ARHGEF37: variants seen among roughly 807,000 people sequenced by gnomAD.
The protein encoded by ARHGEF37 is Rho guanine nucleotide exchange factor 37.
ARHGEF37 carries 55 observed loss-of-function variants against 71.1 expected under a neutral mutation model. The observed-to-expected ratio is 0.77, with a 90% CI of 0.62 to 0.97. ARHGEF37 has a LOEUF of 0.97. ARHGEF37 is among the 50% of genes least tolerant of loss of function. The pLI, the probability that ARHGEF37 is intolerant of heterozygous loss-of-function variation, is 0.00. For missense variants in ARHGEF37, 765 were observed against 836.8 expected, an observed-to-expected ratio of 0.91 and a Z score of 1.06; for synonymous variants, 327 against 350.6, an observed-to-expected ratio of 0.93 and a Z score of 0.75.
chr5:149,614,569 G>A (rs1349039006), intron 4 of ARHGEF37, among the ~76,000 whole-genome samples: 3 of 152,152 alleles, frequency 2.0e-5, no homozygotes, highest in Admixed American at 6.5e-5. Context: ...TTTGTGAGGC[G>A]ATAGTTGTCC....
chr5:149,623,933 T>C (rs1214026903), intron 9 of ARHGEF37, 79 bp from the exon 10 acceptor site: 1 of 1,498,124 alleles, frequency 6.7e-7, no homozygotes, highest in Non-Finnish European at 9.0e-7. Context: ...GGGTTGAAAA[T>C]AATATAAACC....
rs1293025842 is a variant in ARHGEF37, at chr5:149,571,059, C to T, written c.-12+18936C>T. On this transcript the variant is annotated intron_variant, in intron 1 of 2. Transcript: ENST00000505810. ...CCAGGTTCAAGTGATTCTCCTGCCT[C>T]AGCCTCCCAAGTAGCTGGGATTGCA... Among the ~76,000 whole-genome samples, 4 of 152,070 alleles carry T rather than the reference C, an allele frequency of 2.6e-5. No individual in the cohort carries two copies. In the East Asian group the frequency reaches 5.9e-4, roughly 22 times the overall value.
chr5:149,598,781 TATAG>T (rs1294838861), intron 2 of ARHGEF37, among the ~76,000 whole-genome samples: 3 of 146,276 alleles, frequency 2.1e-5, no homozygotes, highest in African/African-American at 5.1e-5. Flanking sequence ...GATATAGATA[TATAG>T]ATATAGATAT....
chr5:149,554,050 C>T (rs888001162), intron 1 of ARHGEF37, among the ~76,000 whole-genome samples: 1 of 152,138 alleles, frequency 6.6e-6, no homozygotes. Flanking sequence ...TGCCTGTAAT[C>T]CCAGCTACTT....
chr5:149,562,960 C>T (rs1334516123), intron 1 of ARHGEF37, among the ~76,000 whole-genome samples: 1 of 152,180 alleles, frequency 6.6e-6, no homozygotes, highest in Non-Finnish European at 1.5e-5. Flanking sequence ...AGTTCATCTG[C>T]AGCTCAATAA....
At chr5:149,604,364 C>T (rs956295909) in intron 3 of ARHGEF37, among the ~76,000 whole-genome samples, 4 of 151,994 alleles carry the variant, frequency 2.6e-5, no homozygotes, top group Non-Finnish European at 4.4e-5. Flanking sequence ...GACTTACTTA[C>T]GCTAAAAAAT....
intron 1 of ARHGEF37, among the ~76,000 whole-genome samples, chr5:149,589,840 T>C (rs1763351113): frequency 6.6e-6 from 1 of 152,024 alleles, no homozygotes; most frequent in Admixed American, 6.6e-5. Context: ...TTAAATTTTT[T>C]TTTTTTAATA....
intron 6 of ARHGEF37, 79 bp from the exon 7 acceptor site, chr5:149,618,859 A>G (rs1752453113): frequency 3.4e-6 from 4 of 1,179,822 alleles, no homozygotes; most frequent in Non-Finnish European, 5.0e-6. Context: ...AGGTTGTCCC[A>G]GTGAGGACCT....
At chr5:149,605,672 C>G (rs1176543135) in intron 3 of ARHGEF37, among the ~76,000 whole-genome samples, 1 of 152,164 alleles carries the variant, frequency 6.6e-6, no homozygotes, top group Non-Finnish European at 1.5e-5. Flanking sequence ...CATCTCTGTG[C>G]CAACAATGAT....
intron 10 of ARHGEF37, among the ~76,000 whole-genome samples, chr5:149,625,785 C>T (rs1207036246): frequency 6.9e-6 from 1 of 144,788 alleles, no homozygotes; most frequent in Admixed American, 6.8e-5. Flanking sequence ...ACACAAACCT[C>T]CTGCACATTC....
In ARHGEF37 at chr5:149,618,202, C is replaced by A. The variant is rs1410087607; in HGVS notation, c.685C>A (p.Leu229Met). The A allele has an allele frequency of 8.7e-6, 14 of 1,614,118 alleles. No homozygotes were observed. The highest frequency in any genetic ancestry group is 1.3e-5 in the African/African-American group (1 of 74,944). ...CTCCAAGTACACCAAGGTAGAGCAG[C>A]TGACCCTCCGGGAGCGGCTGGCCCG... is the stretch of plus-strand genomic sequence containing the variant. ...VASKYTKVEQ[L>M]TLRERLARIN... The change falls in exon 6 of 13, where the codon CTG (leucine) becomes ATG (methionine). Residue 229 changes from leucine to methionine, a missense_variant. Leu to Met is a conservative substitution (Grantham distance 15, BLOSUM62 2). Transcript: ENST00000333677.
intron 1 of ARHGEF37, 117 bp from the exon 2 acceptor site, chr5:149,597,642 C>T: frequency 1.1e-6 from 1 of 887,432 alleles, no homozygotes; most frequent in South Asian, 2.1e-5. Context: ...CATCTTGACT[C>T]TGTTTGCAGC....
chr5:149,564,805 CAA>C (rs1242815419), intron 1 of ARHGEF37, among the ~76,000 whole-genome samples: 1 of 152,086 alleles, frequency 6.6e-6, no homozygotes, highest in Non-Finnish European at 1.5e-5. Flanking sequence ...GCCTGGGCAA[CAA>C]GAGTGAAACT....
In ARHGEF37 at chr5:149,624,013, T is replaced by C; in HGVS notation, c.1337T>C (p.Leu446Pro). Reference protein sequence around the residue: ...LQRAEGSMAQLPHHHVPEPAF... With the variant: ...LQRAEGSMAQPPHHHVPEPAF... Reference sequence around the variant, plus strand: ...TTGACAGTGTCTGTCCCCACTTAGCTGCCCCACCACCACGTCCCAGAGCCT... The same window carrying C: ...TTGACAGTGTCTGTCCCCACTTAGCCGCCCCACCACCACGTCCCAGAGCCT... Residue 446 changes from leucine (L) to proline (P), a missense_variant and splice_region_variant, in exon 10 of 13, where the codon CTG becomes CCG. By Grantham distance (98) the Leu-to-Pro change is moderately conservative (BLOSUM62 -3). Around this residue, in one of 5 missense-constraint regions of ARHGEF37, gnomAD observed 390 missense variants for 407.4 expected, o/e 0.96. Coordinates refer to ENST00000333677, the MANE Select transcript of ARHGEF37 (RefSeq NM_001001669.3). 2 of 1,595,258 alleles carry C rather than the reference T, an allele frequency of 1.3e-6. No homozygotes were observed. The highest frequency in any genetic ancestry group is 1.7e-6 in the Non-Finnish European group (2 of 1,165,124).
intron 1 of ARHGEF37, among the ~76,000 whole-genome samples, chr5:149,568,403 T>G (rs1227508303): frequency 6.6e-6 from 1 of 152,196 alleles, no homozygotes; most frequent in East Asian, 1.9e-4. Flanking sequence ...AAAGCAAACC[T>G]AATTAAAATT....
intron 1 of ARHGEF37, among the ~76,000 whole-genome samples, chr5:149,584,294 T>C (rs1763176393): frequency 6.6e-6 from 1 of 152,196 alleles, no homozygotes; most frequent in Admixed American, 6.5e-5. Context: ...CAGCTGCTGT[T>C]TGATTTGGGT....
upstream of ARHGEF37, chr5:149,581,432 A>G (rs1323663863): frequency 6.6e-6 from 1 of 151,644 alleles, no homozygotes; most frequent in African/African-American, 2.4e-5. Flanking sequence ...GAGACCAGCC[A>G]CCCCCTCGCG....
chr5:149,627,527 A>G (rs908664365), intron 11 of ARHGEF37, among the ~76,000 whole-genome samples: 3 of 152,212 alleles, frequency 2.0e-5, no homozygotes, highest in African/African-American at 7.2e-5. Context: ...CTGGGCGCTG[A>G]GCATATAAGA....
At chr5:149,597,311 G>A (rs529107965) in intron 1 of ARHGEF37, among the ~76,000 whole-genome samples, 1 of 152,236 alleles carries the variant, frequency 6.6e-6, no homozygotes, top group East Asian at 1.9e-4. Flanking sequence ...AGGCTGGAGT[G>A]CAGTGGTGTG....
Sources: gnomAD v4.1 joint callset for allele counts (sites outside exome capture counted in the v4.1 genomes callset) on GRCh38, gnomAD v4.1.1 for gene constraint, gnomAD v4.1.1 regional missense constraint, MANE v1.5 for transcripts, NCBI Gene and HGNC (gene_info 2026-07-23, HGNC 2026-07-21) for gene names.